Variants in NDE1 observed in about 807,000 individuals in gnomAD.
NDE1 encodes the protein nudE neurodevelopment protein 1, also known as nuclear distribution protein nudE homolog 1.
A neutral mutation model predicts 43.4 loss-of-function variants in NDE1; 28 were observed. That is an observed-to-expected ratio of 0.65 (90% confidence interval 0.48 to 0.89). The LOEUF (loss-of-function observed/expected upper bound fraction) is 0.89, where lower values mean the gene tolerates loss of function less well. Among genes scored for constraint, NDE1 ranks in the 40% least tolerant of loss-of-function variants. NDE1 has a pLI of 0.00. For synonymous variants in NDE1, 184 were observed against 172.0 expected (o/e 1.07, Z -0.55); for missense variants, 441 against 434.1 (o/e 1.02, Z -0.14).
chr16:15,708,736 G>T, intron 8 of NDE1: 1 of 1,509,392 alleles, frequency 6.6e-7, no homozygotes, highest in Non-Finnish European at 9.1e-7. Flanking sequence ...TGGGCAGAGG[G>T]GCGCATTGGG....
intron 8 of NDE1, chr16:15,703,437 G>A (rs1244696853): frequency 4.2e-6 from 1 of 239,292 alleles, no homozygotes; most frequent in East Asian, 5.9e-5. Flanking sequence ...AATTGCCAGG[G>A]ACCGGTTACC....
chr16:15,690,340 TTTTTTTTTTTTTC>T (rs1567652143), intron 5 of NDE1, among the ~76,000 whole-genome samples: 3 of 123,594 alleles, frequency 2.4e-5, no homozygotes, highest in African/African-American at 1.0e-4. Flanking sequence ...AACTGGCCTT[TTTTTTTTTTTTTC>T]TTTTTTTTTT....
At chr16:15,679,763 A>G (rs2038078736) in intron 4 of NDE1, among the ~76,000 whole-genome samples, 1 of 151,430 alleles carries the variant, frequency 6.6e-6, no homozygotes, top group African/African-American at 2.5e-5. Context: ...TGTTTCCCAC[A>G]GACTATTAGT....
At chr16:15,703,766 C>G (rs1242385456) in intron 8 of NDE1, 3 of 597,826 alleles carry the variant, frequency 5.0e-6, no homozygotes, top group African/African-American at 1.9e-5. Context: ...TTTTTAAATT[C>G]TTGTATAGAT....
At chr16:15,648,490 A>C (rs2036376287), upstream of NDE1, among the ~76,000 whole-genome samples, 2 of 152,136 alleles carry the variant, frequency 1.3e-5, no homozygotes, top group Non-Finnish European at 2.9e-5. Flanking sequence ...CCCAGGCTGG[A>C]ATGCAGTGGC....
intron 8 of NDE1, chr16:15,708,933 C>A: frequency 7.7e-7 from 1 of 1,296,316 alleles, no homozygotes; most frequent in East Asian, 2.4e-5. Context: ...ACATTTGCTT[C>A]GATTTAATAA....
intron 5 of NDE1, among the ~76,000 whole-genome samples, chr16:15,690,895 C>T (rs867291103): frequency 6.6e-6 from 1 of 152,148 alleles, no homozygotes; most frequent in Non-Finnish European, 1.5e-5. Flanking sequence ...GCCACCCTGG[C>T]CTCCCAGGTT....
At position 15,724,569 on chromosome 16, in the gene NDE1, C is replaced by G; in HGVS notation, c.*318C>G. On this transcript the variant is annotated 3_prime_UTR_variant, in exon 9 of 9. Transcript: ENST00000396354. ...AAGCACCATCGCACCAACACTCCAC[C>G]GCGATCTGCCTGCGGGGGATCTCAG... The G allele has an allele frequency of 6.2e-7, 1 of 1,610,230 alleles. No individual in the cohort carries two copies. The highest frequency in any genetic ancestry group is 8.5e-7 in the Non-Finnish European group (1 of 1,178,258).
intron 8 of NDE1, among the ~76,000 whole-genome samples, chr16:15,716,188 C>A (rs2040123524): frequency 6.6e-6 from 1 of 152,160 alleles, no homozygotes; most frequent in African/African-American, 2.4e-5. Context: ...CTACCTCAGC[C>A]TCCCAAAGTG....
chr16:15,666,282 A>T (rs976963472), intron 2 of NDE1, among the ~76,000 whole-genome samples: 1 of 152,090 alleles, frequency 6.6e-6, no homozygotes, highest in Non-Finnish European at 1.5e-5. Context: ...ATTTGTACAT[A>T]GAGGCCTTAT....
intron 8 of NDE1, chr16:15,719,813 G>T (rs1953384902): frequency 1.3e-5 from 20 of 1,530,394 alleles, no homozygotes; most frequent in Non-Finnish European, 1.7e-5. Context: ...ATTTTCTGCA[G>T]TTGACCACAA....
chr16:15,665,936 A>G (rs2037282616), intron 2 of NDE1, among the ~76,000 whole-genome samples: 1 of 151,932 alleles, frequency 6.6e-6, no homozygotes, highest in Non-Finnish European at 1.5e-5. Flanking sequence ...TTGTATTTTT[A>G]GTAGAGACGG....
intron 8 of NDE1, among the ~76,000 whole-genome samples, chr16:15,716,235 G>T (rs1244607470): frequency 6.6e-6 from 1 of 152,078 alleles, no homozygotes; most frequent in Non-Finnish European, 1.5e-5. Context: ...ATATGGCCTG[G>T]GGTTTCTGTT....
chr16:15,672,014 C>G (rs2037619563), intron 3 of NDE1, among the ~76,000 whole-genome samples: 1 of 151,922 alleles, frequency 6.6e-6, no homozygotes, highest in East Asian at 1.9e-4. Flanking sequence ...TTGAAGGGGA[C>G]TCTGGGTTGA....
intron 3 of NDE1, among the ~76,000 whole-genome samples, chr16:15,671,543 C>T (rs1201655568): frequency 2.0e-5 from 3 of 152,068 alleles, no homozygotes; most frequent in Non-Finnish European, 4.4e-5. Flanking sequence ...TTAGAACACA[C>T]ATTGTTGAGT....
intron 8 of NDE1, among the ~76,000 whole-genome samples, chr16:15,708,404 C>G (rs967365746): frequency 2.0e-5 from 3 of 152,196 alleles, no homozygotes; most frequent in Non-Finnish European, 2.9e-5. Flanking sequence ...CATATTCATT[C>G]AGTGCAGTGT....
At chr16:15,718,095 G>A in intron 8 of NDE1, 2 of 703,550 alleles carry the variant, frequency 2.8e-6, no homozygotes, top group Non-Finnish European at 4.6e-6. Flanking sequence ...CGCCGTGGCT[G>A]GAAAATGAGA....
rs946425267 is a variant in NDE1 at position 15,721,071 on chromosome 16, C to G, written c.948-3120C>G. On this transcript the variant is annotated intron_variant, in intron 8 of 8. Coordinates refer to ENST00000396354, the MANE Select transcript of NDE1 (RefSeq NM_017668.3). ...ATGGACCTGCCGGCAGAGCGGGCAG[C>G]CCCATTCTATGAGGCTCAACTTCAT... 1.2e-6 allele frequency: 2 copies of G among 1,611,664 alleles called. No individual in the cohort carries two copies. Among genetic ancestry groups the G allele is most frequent in the African/African-American group, 2.7e-5 (2 of 74,876 alleles).
At chr16:15,722,888 C>T (rs1288021242) in intron 8 of NDE1, among the ~76,000 whole-genome samples, 5 of 152,134 alleles carry the variant, frequency 3.3e-5, no homozygotes, top group Non-Finnish European at 7.4e-5. Context: ...GGATTACAGG[C>T]GTGCGCCACC....
Sources: gnomAD v4.1 joint callset for allele counts (sites outside exome capture counted in the v4.1 genomes callset) on GRCh38, gnomAD v4.1.1 for gene constraint, MANE v1.5 for transcripts, NCBI Gene and HGNC (gene_info 2026-07-23, HGNC 2026-07-21) for gene names.